KCNK12: variants seen among roughly 807,000 people sequenced by gnomAD.
KCNK12 encodes the protein potassium two pore domain channel subfamily K member 12, also known as potassium channel subfamily K member 12.
A neutral mutation model predicts 25.3 loss-of-function variants in KCNK12; 6 were observed. That is an observed-to-expected ratio of 0.24 (90% CI 0.13 to 0.47). KCNK12 has a LOEUF of 0.47. Among genes scored for constraint, KCNK12 ranks in the 20% least tolerant of loss-of-function variants. The pLI is 0.99. For synonymous variants in KCNK12, 331 were observed against 311.1 expected (o/e 1.06, Z -0.67); for missense variants, 444 against 661.7 (o/e 0.67, Z 3.61).
rs114183018 is a variant in KCNK12, at chr2:47,527,206, G to C, written c.392-5398C>G. 2.7e-3 allele frequency among the ~76,000 whole-genome samples: 408 copies of C among 152,282 alleles called. 2 individuals carry two copies. The highest frequency in any genetic ancestry group is 9.5e-3 in the African/African-American group (394 of 41,546). ...TGCAGTCCTCCAGGACCACAGCCAG[G>C]GGAGCATCTTCGTGGGAGAGTGGCT... On this transcript the variant is annotated intron_variant, in intron 1 of 1. Transcript: ENST00000327876.
chr2:47,541,675 A>G (rs746224256), intron 1 of KCNK12, among the ~76,000 whole-genome samples: 5 of 152,172 alleles, frequency 3.3e-5, no homozygotes, highest in Non-Finnish European at 7.4e-5. Flanking sequence ...CCCTAATCCA[A>G]TATGGCTGGT....
Position 47,538,545 on chromosome 2 carries a change from T to C in KCNK12, c.392-16737A>G, listed in dbSNP as rs1669126464. Among the ~76,000 whole-genome samples the C allele has an allele frequency of 6.6e-6, 1 of 152,038 alleles. No individual in the cohort carries two copies. The highest frequency in any genetic ancestry group is 1.5e-5 in the Non-Finnish European group (1 of 67,984). Reference sequence around the variant, plus strand: ...CAGCACTTTGGGAGGCTGAGACAGGTGGATCACTTGAGGTCAGGAGTTTGA... The same window carrying C: ...CAGCACTTTGGGAGGCTGAGACAGGCGGATCACTTGAGGTCAGGAGTTTGA... On this transcript the variant is annotated intron_variant, in intron 1 of 1. Coordinates refer to ENST00000327876, the MANE Select transcript of KCNK12 (RefSeq NM_022055.2). This position sits in a 1 kb window ranked among gnomAD's most constrained non-coding sequence, Gnocchi z 4.5.
rs1370353951 is a variant in KCNK12, at chr2:47,547,817, C to T, written c.391+22124G>A. On this transcript the variant is annotated intron_variant, in intron 1 of 1. Coordinates refer to ENST00000327876, the MANE Select transcript of KCNK12 (RefSeq NM_022055.2). The surrounding 1 kb of genome is among the most constrained non-coding windows in gnomAD (Gnocchi z 5.0). Reference sequence around the variant, plus strand: ...TTCACCGTGTTGGCCAGGCTGGTCTCGAACTCCTACCACATATAAGTGGTT... The same window carrying T: ...TTCACCGTGTTGGCCAGGCTGGTCTTGAACTCCTACCACATATAAGTGGTT... 1.3e-5 allele frequency among the ~76,000 whole-genome samples: 2 copies of T among 152,206 alleles called. No individual in the cohort carries two copies. Among genetic ancestry groups the T allele is most frequent in the Middle Eastern group, 3.4e-3 (1 of 294 alleles).
Position 47,520,964 on chromosome 2 carries a change from G to A in KCNK12, c.1236C>T (p.Gly412=), listed in dbSNP as rs921121821. The A allele has an allele frequency of 5.4e-6, 7 of 1,307,346 alleles. No individual in the cohort carries two copies. In the Admixed American group the frequency reaches 2.3e-4, roughly 42 times the overall value. The allele number at this position is 1,307,346 out of a possible 1,614,324, so 81.0% of individuals were successfully genotyped here. A position where few individuals can be genotyped will look rare whatever the true frequency, so the allele number is the denominator to read the frequency against. ...TGTTCATGATGCCCAGCGCGCCCACGCCGCCCGAGAAGCCGTTCTGGCGCG... is the reference window on the plus strand; with the variant it reads ...TGTTCATGATGCCCAGCGCGCCCACACCGCCCGAGAAGCCGTTCTGGCGCG... ...VNTRQNGFSG[G]VGALGIMNNR... Residue 412 remains glycine (G), a synonymous_variant, in exon 2 of 2, where the codon GGC becomes GGT. Coordinates refer to ENST00000327876, the MANE Select transcript of KCNK12 (RefSeq NM_022055.2). The surrounding 1 kb of genome is among the most constrained non-coding windows in gnomAD (Gnocchi z 5.0).
intron 1 of KCNK12, among the ~76,000 whole-genome samples, chr2:47,546,130 A>C (rs1163354734): frequency 6.6e-6 from 1 of 152,230 alleles, no homozygotes; most frequent in East Asian, 1.9e-4. Context: ...TAGGGTCTAG[A>C]ACTGTGAGTC....
In KCNK12 at chr2:47,533,613, C is replaced by T. The variant is rs1197062106; in HGVS notation, c.392-11805G>A. On this transcript the variant is annotated intron_variant, in intron 1 of 1. Coordinates refer to ENST00000327876, the MANE Select transcript of KCNK12 (RefSeq NM_022055.2). This position sits in a 1 kb window ranked among gnomAD's most constrained non-coding sequence, Gnocchi z 4.7. Reference sequence around the variant, plus strand: ...ACCTCGCTGGGCCTCCATCTCCCCACCTCTGGCTCACTTCCTGCTTTGGCC... The same window carrying T: ...ACCTCGCTGGGCCTCCATCTCCCCATCTCTGGCTCACTTCCTGCTTTGGCC... Among the ~76,000 whole-genome samples the T allele has an allele frequency of 6.6e-6, 1 of 152,252 alleles. No homozygotes were observed. The highest frequency in any genetic ancestry group is 1.9e-4 in the East Asian group (1 of 5,198).
At chr2:47,561,432 T>C (rs1411873411) in intron 1 of KCNK12, among the ~76,000 whole-genome samples, 2 of 152,186 alleles carry the variant, frequency 1.3e-5, no homozygotes, top group African/African-American at 4.8e-5. Context: ...TGTAACAGCA[T>C]AGGACACAAC....
At chr2:47,543,232 C>T (rs113116003) in intron 1 of KCNK12, 9,802 of 152,218 alleles carry the variant, frequency 0.064, 398 homozygotes, top group Middle Eastern at 0.11. Flanking sequence ...GCAACAACCA[C>T]CACCACAACA....
rs1353093842 is a variant in KCNK12, at chr2:47,547,198, G to A, written c.391+22743C>T. ...CCTCCTTCATCTTCAAGGGCACTGC[G>A]GCTCAATCTTCAGATCTCTTCTTTT... On this transcript the variant is annotated intron_variant, in intron 1 of 1. Transcript: ENST00000327876. This position sits in a 1 kb window ranked among gnomAD's most constrained non-coding sequence, Gnocchi z 5.0. 6.6e-6 allele frequency among the ~76,000 whole-genome samples: 1 copy of A among 152,146 alleles called. No individual in the cohort carries two copies. The highest frequency in any genetic ancestry group is 2.4e-5 in the African/African-American group (1 of 41,438).
intron 1 of KCNK12, among the ~76,000 whole-genome samples, chr2:47,524,212 A>C (rs973874884): frequency 1.3e-5 from 2 of 152,266 alleles, no homozygotes; most frequent in Non-Finnish European, 2.9e-5. Flanking sequence ...AGCCACACTC[A>C]AGTTCTTGAG....
At chr2:47,564,035 T>G (rs1404484976) in intron 1 of KCNK12, 2 of 231,144 alleles carry the variant, frequency 8.7e-6, no homozygotes, top group Non-Finnish European at 1.7e-5. Context: ...CTTACCTTTC[T>G]CCACTCTCCC....
chr2:47,521,879 T>TGGGG, intron 1 of KCNK12, 71 bp from the exon 2 acceptor site: 1 of 327,718 alleles, frequency 3.1e-6, no homozygotes, highest in Non-Finnish European at 4.8e-6. Context: ...GGGTGGGGGG[T>TGGGG]GTGGGGGCGG....
At position 47,562,604 on chromosome 2, in the gene KCNK12, G is replaced by T. The variant is rs938852802; in HGVS notation, c.391+7337C>A. On this transcript the variant is annotated intron_variant, in intron 1 of 1. Coordinates refer to ENST00000327876, the MANE Select transcript of KCNK12 (RefSeq NM_022055.2). This position sits in a 1 kb window ranked among gnomAD's most constrained non-coding sequence, Gnocchi z 4.8. The stretch of plus-strand genomic sequence containing the variant: ...TCCCCTGGTAGGTGGCTAGGGAATG[G>T]CAGGGTTTGGGGTAGAACTTCCTGG... The T allele has an allele frequency of 4.3e-6, 1 of 233,452 alleles. No individual in the cohort carries two copies. Among genetic ancestry groups the T allele is most frequent in the Non-Finnish European group, 8.5e-6 (1 of 118,212 alleles). 14.5% of individuals were successfully genotyped at this position (233,452 alleles called of 1,614,324 possible). A position where few individuals can be genotyped will look rare whatever the true frequency, so the allele number is the denominator to read the frequency against.
rs927789690 is a variant in KCNK12 at position 47,551,525 on chromosome 2, G to A, written c.391+18416C>T. ...ACTGCTGTATCCCTGGGGATTTTCA[G>A]TTGCTGGCACATAGTGGAGCGCTCA... On this transcript the variant is annotated intron_variant, in intron 1 of 1. Coordinates refer to ENST00000327876, the MANE Select transcript of KCNK12 (RefSeq NM_022055.2). This position sits in a 1 kb window ranked among gnomAD's most constrained non-coding sequence, Gnocchi z 5.3. Among the ~76,000 whole-genome samples the A allele has an allele frequency of 6.6e-6, 1 of 152,186 alleles. No homozygotes were observed. Among genetic ancestry groups the A allele is most frequent in the Non-Finnish European group, 1.5e-5 (1 of 68,034 alleles).
chr2:47,535,289 G>C (rs1220847918), intron 1 of KCNK12: 2 of 233,008 alleles, frequency 8.6e-6, no homozygotes, highest in African/African-American at 4.4e-5. Context: ...AGCCCGACCT[G>C]CACCTGCCCT....
chr2:47,521,149 C>A lies in KCNK12; in HGVS notation c.1051G>T (p.Asp351Tyr). 2 of 1,292,108 alleles carry A rather than the reference C, an allele frequency of 1.5e-6. No homozygotes were observed. The highest frequency in any genetic ancestry group is 2.0e-6 in the Non-Finnish European group (2 of 1,024,464). 80.0% of individuals were successfully genotyped at this position (1,292,108 alleles called of 1,614,324 possible). ...GCGTCGCTGTCGCGGGCCGCGGGGTCGGCACCGAGCGCGGCCAGGCGGCGG... is the reference window on the plus strand; with the variant it reads ...GCGTCGCTGTCGCGGGCCGCGGGGTAGGCACCGAGCGCGGCCAGGCGGCGG... Reference protein sequence around the residue: ...LRRRLAALGADPAARDSDAEG... With the variant: ...LRRRLAALGAYPAARDSDAEG... The change falls in exon 2 of 2, where the codon GAC becomes TAC. Residue 351 changes from aspartate (D) to tyrosine (Y), a missense_variant. By Grantham distance (160) the Asp-to-Tyr change is radical. Transcript: ENST00000327876.
chr2:47,511,007 AGACCATAGAG>A lies in KCNK12; in HGVS notation c.*9890_*9899del. ...TGGCAACCAACATGTCCTAGCTCCTAGACCATAGAGGGCCAGATTCATGTCTCATTGACTG... is the reference window on the plus strand; with the variant it reads ...TGGCAACCAACATGTCCTAGCTCCTAGGCCAGATTCATGTCTCATTGACTG... On this transcript the variant is annotated 3_prime_UTR_variant, in exon 2 of 2. Coordinates refer to ENST00000327876, the MANE Select transcript of KCNK12 (RefSeq NM_022055.2). The surrounding 1 kb of genome is among the most constrained non-coding windows in gnomAD (Gnocchi z 4.3). 6.6e-6 allele frequency: 1 copy of A among 152,324 alleles called. No individual in the cohort carries two copies. The highest frequency in any genetic ancestry group is 2.4e-5 in the African/African-American group (1 of 41,560). 9.4% of individuals were successfully genotyped at this position (152,324 alleles called of 1,614,324 possible).
rs187006275 is a variant in KCNK12, at chr2:47,515,167, C to A, written c.*5740G>T. Among the ~76,000 whole-genome samples the A allele has an allele frequency of 6.6e-6, 1 of 152,144 alleles. No individual in the cohort carries two copies. Among genetic ancestry groups the A allele is most frequent in the African/African-American group, 2.4e-5 (1 of 41,428 alleles). On this transcript the variant is annotated 3_prime_UTR_variant, in exon 2 of 2. Transcript: ENST00000327876. ...AACAGAGAGGAGAGCTGATGGGTGA[C>A]GAGAAATCAGGCCTCTCCGCCACGG...
rs1425610 is a variant in KCNK12, at chr2:47,560,570, G to C, written c.391+9371C>G. 0.66 allele frequency among the ~76,000 whole-genome samples: 100,711 copies of C among 152,092 alleles called. 33,662 individuals are homozygous for C. Among genetic ancestry groups the C allele is most frequent in the East Asian group, 0.8 (4,145 of 5,154 alleles). The stretch of plus-strand genomic sequence containing the variant: ...CAGAGATCTTGAGCAGTCAGGAGCC[G>C]TGGATCCTCTATTCTGCCATTGACT... On this transcript the variant is annotated intron_variant, in intron 1 of 1. Coordinates refer to ENST00000327876, the MANE Select transcript of KCNK12 (RefSeq NM_022055.2). This position sits in a 1 kb window ranked among gnomAD's most constrained non-coding sequence, Gnocchi z 4.7.
Sources: gnomAD v4.1 joint callset for allele counts (sites outside exome capture counted in the v4.1 genomes callset) on GRCh38, gnomAD v4.1.1 for gene constraint, Gnocchi (gnomAD v3.1) non-coding constraint, MANE v1.5 for transcripts, NCBI Gene and HGNC (gene_info 2026-07-23, HGNC 2026-07-21) for gene names.